The following FRMD6 variants were observed in gnomAD, a reference collection of about 807,000 sequenced individuals.
FRMD6 encodes FERM domain containing 6.
In FRMD6, 37 loss-of-function variants were observed where a neutral mutation model predicts 73.2. The ratio of observed to expected loss-of-function variants is 0.51; its 90% CI spans 0.39 to 0.66. The LOEUF is 0.66. Ranked by LOEUF, FRMD6 falls within the 30% of genes least tolerant of loss-of-function variation. The pLI, the probability that FRMD6 is intolerant of heterozygous loss-of-function variation, is 0.00. For synonymous variants in FRMD6, 273 were observed against 282.2 expected, an observed-to-expected ratio of 0.97 and a Z score of 0.33; for missense variants, 714 against 780.5, an observed-to-expected ratio of 0.91 and a Z score of 1.02.
the FRMD6 span, among the ~76,000 whole-genome samples, chr14:51,468,309 G>A: frequency 0.062 from 8,400 of 136,452 alleles, 491 homozygotes; most frequent in Admixed American, 0.17. Context: ...GGGAGAGGGG[G>A]AGGGGGAGGG....
chr14:51,470,744 G>A, the FRMD6 span, among the ~76,000 whole-genome samples: 35 of 152,138 alleles, frequency 2.3e-4, no homozygotes, highest in Admixed American at 8.5e-4. Context: ...TTTCCCTTGT[G>A]ATTTTTGTCT....
the FRMD6 span, among the ~76,000 whole-genome samples, chr14:51,430,566 A>G: frequency 6.6e-6 from 1 of 152,032 alleles, no homozygotes; most frequent in Non-Finnish European, 1.5e-5. Context: ...GTAGTTAAAA[A>G]GTCAAGGTCA....
the FRMD6 span, among the ~76,000 whole-genome samples, chr14:51,410,282 A>C: frequency 6.6e-6 from 1 of 152,108 alleles, no homozygotes; most frequent in Non-Finnish European, 1.5e-5. Context: ...ACCTGTATCT[A>C]TAGGTTATTT....
chr14:51,427,999 T>G, the FRMD6 span, among the ~76,000 whole-genome samples: 5 of 152,226 alleles, frequency 3.3e-5, no homozygotes, highest in Admixed American at 6.5e-5. Context: ...TGTGAACTTT[T>G]TGTGGCACGG....
At chr14:51,703,323 C>A (rs1467510467) in intron 5 of FRMD6, among the ~76,000 whole-genome samples, 1 of 152,022 alleles carries the variant, frequency 6.6e-6, no homozygotes, top group East Asian at 1.9e-4. Flanking sequence ...AATATGAACT[C>A]TGTTTTGCTT....
At chr14:51,555,010 TA>T (rs1464104438) in intron 1 of FRMD6, among the ~76,000 whole-genome samples, 1 of 152,216 alleles carries the variant, frequency 6.6e-6, no homozygotes, top group African/African-American at 2.4e-5. Context: ...AGTTGGTTTT[TA>T]AAAGAGCCAT....
At chr14:51,630,292 T>G (rs1448760372) in intron 2 of FRMD6, among the ~76,000 whole-genome samples, 3 of 151,866 alleles carry the variant, frequency 2.0e-5, no homozygotes, top group Non-Finnish European at 4.4e-5. Context: ...CCTGAGATAG[T>G]TCTATAATCG....
At chr14:51,635,446 A>G (rs1192433113) in intron 2 of FRMD6, among the ~76,000 whole-genome samples, 2 of 152,208 alleles carry the variant, frequency 1.3e-5, no homozygotes, top group African/African-American at 4.8e-5. Context: ...CAGGGACCCA[A>G]TGCCATTCTG....
chr14:51,618,345 G>A (rs1238843851), intron 2 of FRMD6, among the ~76,000 whole-genome samples: 1 of 152,120 alleles, frequency 6.6e-6, no homozygotes, highest in African/African-American at 2.4e-5. Flanking sequence ...AGAGCCAAGG[G>A]AAAAGCGGCA....
At chr14:51,656,925 A>G (rs1288823633) in intron 1 of FRMD6, among the ~76,000 whole-genome samples, 1 of 152,198 alleles carries the variant, frequency 6.6e-6, no homozygotes, top group Non-Finnish European at 1.5e-5. Context: ...ATGTTTTCCA[A>G]CAACATTATC....
At chr14:51,621,237 G>A (rs531707696) in intron 2 of FRMD6, among the ~76,000 whole-genome samples, 13 of 152,200 alleles carry the variant, frequency 8.5e-5, no homozygotes, top group African/African-American at 3.1e-4. Context: ...ATAACTCAAA[G>A]GCTCAGAAGT....
chr14:51,406,253 G>C, the FRMD6 span, among the ~76,000 whole-genome samples: 1 of 151,980 alleles, frequency 6.6e-6, no homozygotes, highest in Non-Finnish European at 1.5e-5. Flanking sequence ...TTTGATGTTG[G>C]GTAATATGAT....
chr14:51,716,249 C>T (rs1384422903), intron 10 of FRMD6, among the ~76,000 whole-genome samples: 8 of 152,022 alleles, frequency 5.3e-5, no homozygotes, highest in Admixed American at 3.3e-4. Flanking sequence ...CCATTTAACA[C>T]ACCCCAACCC....
At chr14:51,664,646 CT>C (rs1236917168) in intron 1 of FRMD6, among the ~76,000 whole-genome samples, 1 of 152,234 alleles carries the variant, frequency 6.6e-6, no homozygotes, top group African/African-American at 2.4e-5. Flanking sequence ...AGGGCGAAGA[CT>C]TTCCTTTGCA....
intron 2 of FRMD6, among the ~76,000 whole-genome samples, chr14:51,639,902 A>G (rs1415205537): frequency 6.6e-6 from 1 of 152,204 alleles, no homozygotes; most frequent in African/African-American, 2.4e-5. Context: ...TATCCTGTTC[A>G]GTCTGTATTC....
the FRMD6 span, among the ~76,000 whole-genome samples, chr14:51,476,871 C>T: frequency 1.0e-3 from 157 of 152,216 alleles, no homozygotes; most frequent in Non-Finnish European, 1.8e-3. Flanking sequence ...TATACCAAAA[C>T]TATAATAGCA....
At chr14:51,414,345 G>A in the FRMD6 span, among the ~76,000 whole-genome samples, 7 of 152,302 alleles carry the variant, frequency 4.6e-5, no homozygotes, top group East Asian at 1.3e-3. Flanking sequence ...GTGTAAGGAA[G>A]GGATCCAGTT....
chr14:51,412,726 C>G, the FRMD6 span, among the ~76,000 whole-genome samples: 1 of 151,834 alleles, frequency 6.6e-6, no homozygotes, highest in Non-Finnish European at 1.5e-5. Context: ...GTGGTGGGCA[C>G]CTGTAGTCCC....
chr14:51,636,434 C>A (rs955807922), intron 2 of FRMD6, among the ~76,000 whole-genome samples: 7 of 152,068 alleles, frequency 4.6e-5, no homozygotes, highest in African/African-American at 1.7e-4. Flanking sequence ...CATATTCCTG[C>A]CGTAAAGTTC....
Sources: gnomAD v4.1 joint callset for allele counts (sites outside exome capture counted in the v4.1 genomes callset) on GRCh38, gnomAD v4.1.1 for gene constraint, MANE v1.5 for transcripts, NCBI Gene and HGNC (gene_info 2026-07-23, HGNC 2026-07-21) for gene names.